The following SERP2 variants were observed in gnomAD, a reference collection of about 807,000 sequenced individuals.
SERP2 encodes the protein stress associated endoplasmic reticulum protein family member 2.
In SERP2, 6 loss-of-function variants were observed where a neutral mutation model predicts 9.1. That is an observed-to-expected ratio of 0.66 (90% CI 0.36 to 1.30). The LOEUF is 1.30. Among genes scored for constraint, SERP2 ranks in the 50% most tolerant of loss-of-function variants. The pLI, the probability that SERP2 is intolerant of heterozygous loss-of-function variation, is 0.03. For missense variants in SERP2, 58 were observed against 81.9 expected, an observed-to-expected ratio of 0.71 and a Z score of 1.13; for synonymous variants, 37 against 27.3, an observed-to-expected ratio of 1.35 and a Z score of -1.10.
Position 44,374,086 on chromosome 13 carries a change from A to AG in SERP2, c.66dup (p.Asn23GlufsTer50). 2.1e-6 allele frequency: 3 copies of AG among 1,439,060 alleles called. No homozygotes were observed. Among genetic ancestry groups the AG allele is most frequent in the South Asian group, 1.2e-5 (1 of 86,106 alleles). The allele number at this position is 1,439,060 out of a possible 1,614,324, so 89.1% of individuals were successfully genotyped here. On this transcript the variant is annotated frameshift_variant, in exon 1 of 3. Coordinates refer to ENST00000379179, the MANE Select transcript of SERP2 (RefSeq NM_001010897.3). LOFTEE classifies it high-confidence loss of function. ...GAAGCACAGCAAAAACATCACCCAGAGGGGGAACGTAGCCAAAACCCTGGT... is the reference window on the plus strand; with the variant it reads ...GAAGCACAGCAAAAACATCACCCAGAGGGGGGAACGTAGCCAAAACCCTGGT...
Position 44,392,608 on chromosome 13 carries a change from T to C in SERP2, c.158-4664T>C, listed in dbSNP as rs890813378. Among the ~76,000 whole-genome samples the C allele has an allele frequency of 6.6e-5, 10 of 152,118 alleles. No individual in the cohort carries two copies. The East Asian group carries it at 1.2e-3, about 18-fold the overall frequency. On this transcript the variant is annotated intron_variant, in intron 2 of 2. Transcript: ENST00000379179. ...AAAATCCACAGGTCTTGGTTATCAATTGGAGGTGTCAGGAAGGACTGTGGT... is the reference window on the plus strand; with the variant it reads ...AAAATCCACAGGTCTTGGTTATCAACTGGAGGTGTCAGGAAGGACTGTGGT...
chr13:44,384,045 CTTTT>C (rs943984840), intron 2 of SERP2, among the ~76,000 whole-genome samples: 1 of 149,570 alleles, frequency 6.7e-6, no homozygotes, highest in African/African-American at 2.4e-5. Flanking sequence ...TCACCACCAC[CTTTT>C]TTTTTTCTTG....
At chr13:44,382,167 G>A (rs1210349029) in intron 2 of SERP2, among the ~76,000 whole-genome samples, 4 of 151,582 alleles carry the variant, frequency 2.6e-5, no homozygotes, top group South Asian at 2.1e-4. Flanking sequence ...GGCTGGGCGC[G>A]GTGGCTCACG....
intron 2 of SERP2, chr13:44,391,215 C>T (rs899672628): frequency 1.2e-4 from 19 of 152,090 alleles, no homozygotes; most frequent in African/African-American, 4.1e-4. Context: ...GGGTGAGAGT[C>T]GGTTGGGATG....
intron 2 of SERP2, among the ~76,000 whole-genome samples, chr13:44,382,456 AAAG>A (rs1872046755): frequency 6.6e-6 from 1 of 151,110 alleles, no homozygotes; most frequent in Non-Finnish European, 1.5e-5. Flanking sequence ...AAAAAAAAAA[AAAG>A]AACAAAATAA....
At chr13:44,379,030 G>A (rs1205347113) in intron 1 of SERP2, among the ~76,000 whole-genome samples, 4 of 152,182 alleles carry the variant, frequency 2.6e-5, no homozygotes, top group Admixed American at 1.3e-4. Flanking sequence ...GATTTCCACT[G>A]TACTGACTTC....
intron 2 of SERP2, among the ~76,000 whole-genome samples, chr13:44,394,960 C>T (rs1873000501): frequency 6.6e-6 from 1 of 152,186 alleles, no homozygotes; most frequent in Non-Finnish European, 1.5e-5. Flanking sequence ...GAACAGGAAG[C>T]AGCCTCTAAG....
chr13:44,383,092 G>C (rs929976751), intron 2 of SERP2, among the ~76,000 whole-genome samples: 2 of 152,156 alleles, frequency 1.3e-5, no homozygotes, highest in Admixed American at 1.3e-4. Context: ...TGGCTTCAGA[G>C]AATGTGCTGG....
chr13:44,396,738 A>C (rs1231559563), intron 2 of SERP2, among the ~76,000 whole-genome samples: 2 of 152,198 alleles, frequency 1.3e-5, no homozygotes, highest in South Asian at 4.1e-4. Flanking sequence ...CATAAGAGAC[A>C]GCCGCCTTTC....
At chr13:44,392,196 C>CAAAAAAAAAAAAAA (rs760513486) in intron 2 of SERP2, among the ~76,000 whole-genome samples, 2,163 of 35,964 alleles carry the variant, frequency 0.06, 780 homozygotes, top group East Asian at 0.13. Context: ...GACTCTGTCT[C>CAAAAAAAAAAAAAA]AAAAAAAAAA....
rs960941782 is a variant in SERP2 at position 44,384,244 on chromosome 13, C to G, written c.157+4531C>G. ...CCTTTAGATCCGTCCCTGTTGCCACCTCTCTGGAATTAGTCACGATTCATT... is the reference window on the plus strand; with the variant it reads ...CCTTTAGATCCGTCCCTGTTGCCACGTCTCTGGAATTAGTCACGATTCATT... On this transcript the variant is annotated intron_variant, in intron 2 of 2. Coordinates refer to ENST00000379179, the MANE Select transcript of SERP2 (RefSeq NM_001010897.3). Among the ~76,000 whole-genome samples the G allele has an allele frequency of 6.6e-5, 10 of 152,210 alleles. No homozygotes were observed. The East Asian group carries it at 1.9e-3, about 29-fold the overall frequency.
chr13:44,391,060 T>A (rs1238449410), intron 2 of SERP2: 2 of 152,250 alleles, frequency 1.3e-5, no homozygotes, highest in African/African-American at 4.8e-5. Context: ...TTATCATCAA[T>A]TTATTGTCAA....
chr13:44,373,983 G>C lies in SERP2; in HGVS notation c.-43G>C. ...CGGCCCTGTCGCAGGAGCTAACGCAGGGGGAATCCTTGCAGGTGGGAGCAT... is the reference window on the plus strand; with the variant it reads ...CGGCCCTGTCGCAGGAGCTAACGCACGGGGAATCCTTGCAGGTGGGAGCAT... On this transcript the variant is annotated 5_prime_UTR_variant, in exon 1 of 3. Coordinates refer to ENST00000379179, the MANE Select transcript of SERP2 (RefSeq NM_001010897.3). The surrounding 1 kb of genome is among the most constrained non-coding windows in gnomAD (Gnocchi z 4.8). 6.5e-7 allele frequency: 1 copy of C among 1,540,802 alleles called. No homozygotes were observed. Among genetic ancestry groups the C allele is most frequent in the Non-Finnish European group, 8.8e-7 (1 of 1,132,074 alleles).
intron 2 of SERP2, among the ~76,000 whole-genome samples, chr13:44,389,669 C>A (rs1872521863): frequency 6.6e-6 from 1 of 152,116 alleles, no homozygotes; most frequent in South Asian, 2.1e-4. Flanking sequence ...CCTCCATGAG[C>A]CGAGACCAGC....
At chr13:44,374,158 G>T (rs1566088455) in intron 1 of SERP2, 49 bp downstream of exon 1, 13 of 1,021,890 alleles carry the variant, frequency 1.3e-5, no homozygotes, top group Non-Finnish European at 1.8e-5. Context: ...GCCCGGCGGG[G>T]TGGGGCGGAA....
intron 2 of SERP2, among the ~76,000 whole-genome samples, chr13:44,389,681 G>A (rs1872522529): frequency 6.6e-6 from 1 of 152,176 alleles, no homozygotes; most frequent in Non-Finnish European, 1.5e-5. Flanking sequence ...GAGACCAGCA[G>A]CCCCCCTGGA....
chr13:44,380,609 A>T (rs971876600), intron 2 of SERP2, among the ~76,000 whole-genome samples: 1 of 152,252 alleles, frequency 6.6e-6, no homozygotes, highest in Admixed American at 6.5e-5. Flanking sequence ...CTTCCAAAGA[A>T]GCAAAAACTC....
intron 1 of SERP2, among the ~76,000 whole-genome samples, chr13:44,377,018 A>G (rs1309156394): frequency 6.6e-6 from 1 of 152,146 alleles, no homozygotes; most frequent in Admixed American, 6.5e-5. Context: ...CCATAGAGTA[A>G]GGTTTATGTG....
intron 2 of SERP2, among the ~76,000 whole-genome samples, chr13:44,392,023 C>T (rs558521815): frequency 5.4e-4 from 82 of 151,144 alleles, no homozygotes; most frequent in South Asian, 2.7e-3. Context: ...AGTGAAACCC[C>T]GTCTCTATTA....
Sources: allele counts gnomAD v4.1 joint callset (sites outside exome capture counted in the v4.1 genomes callset), GRCh38; gene constraint gnomAD v4.1.1; non-coding constraint Gnocchi (gnomAD v3.1); transcripts MANE v1.5; gene names NCBI Gene and HGNC (gene_info 2026-07-23, HGNC 2026-07-21).